SLC2A4: variants seen among roughly 807,000 people sequenced by gnomAD.
The protein encoded by SLC2A4 is solute carrier family 2, facilitated glucose transporter member 4.
In SLC2A4, 31 loss-of-function variants were observed where a neutral mutation model predicts 53.3. That is an observed-to-expected ratio of 0.58 (90% confidence interval 0.44 to 0.78). The LOEUF is 0.78. Ranked by LOEUF, SLC2A4 falls within the 30% of genes least tolerant of loss-of-function variation. The probability of loss-of-function intolerance (pLI) is 0.00; values close to 1 mark genes in which losing one functional copy is unlikely to be tolerated. For missense variants in SLC2A4, 538 were observed against 655.7 expected (o/e 0.82, Z 1.96); for synonymous variants, 276 against 281.9 (o/e 0.98, Z 0.21).
chr17:7,284,813 T>A lies in SLC2A4; in HGVS notation c.916-22T>A. 1 of 1,613,976 alleles carries A rather than the reference T, an allele frequency of 6.2e-7. No individual in the cohort carries two copies. The highest frequency in any genetic ancestry group is 8.5e-7 in the Non-Finnish European group (1 of 1,179,896). Reference sequence around the variant, plus strand: ...AGGAAGGGGCATTCCTGCCATCACTTCTTCTTCTCCCCCACCTCTAGGTTT... The same window carrying A: ...AGGAAGGGGCATTCCTGCCATCACTACTTCTTCTCCCCCACCTCTAGGTTT... On this transcript the variant is annotated intron_variant, in intron 7 of 10. Coordinates refer to ENST00000317370, the MANE Select transcript of SLC2A4 (RefSeq NM_001042.3). The surrounding 1 kb of genome is among the most constrained non-coding windows in gnomAD (Gnocchi z 7.5).
In SLC2A4 at chr17:7,284,563, G is replaced by A. The variant is rs148284992; in HGVS notation, c.806G>A (p.Arg269His). 80 of 1,614,092 alleles carry A rather than the reference G, an allele frequency of 5.0e-5. No homozygotes were observed. The highest frequency in any genetic ancestry group is 2.1e-4 in the South Asian group (19 of 91,094). ...AAGGATGAGAAGCGGAAGCTGGAGCGTGAGCGGCCACTGTCCCTGCTCCAG... is the reference window on the plus strand; with the variant it reads ...AAGGATGAGAAGCGGAAGCTGGAGCATGAGCGGCCACTGTCCCTGCTCCAG... ...ELKDEKRKLE[R>H]ERPLSLLQLL... The change falls in exon 7 of 11, where the codon CGT becomes CAT. Residue 269 changes from arginine (R) to histidine (H), a missense_variant. By Grantham distance (29) the Arg-to-His change is conservative. Coordinates refer to ENST00000317370, the MANE Select transcript of SLC2A4 (RefSeq NM_001042.3). This position sits in a 1 kb window ranked among gnomAD's most constrained non-coding sequence, Gnocchi z 7.5.
chr17:7,286,004 C>A, intron 10 of SLC2A4, 96 bp downstream of exon 10: 6 of 1,166,496 alleles, frequency 5.1e-6, no homozygotes, highest in Non-Finnish European at 7.4e-6. Flanking sequence ...CCTCCAGCCA[C>A]AGACCATGGG....
rs779806250 is a variant in SLC2A4 at position 7,281,903 on chromosome 17, C to A, written c.-32C>A. The stretch of plus-strand genomic sequence containing the variant: ...CCAGGATCGGTTCTTTCATCTTCGC[C>A]GCCCCTGCGCGTCCAGCTCTTCTAA... On this transcript the variant is annotated 5_prime_UTR_variant, in exon 1 of 11. Transcript: ENST00000317370. 6 of 1,594,240 alleles carry A rather than the reference C, an allele frequency of 3.8e-6. No homozygotes were observed. In the South Asian group the frequency reaches 6.8e-5, roughly 18 times the overall value.
At position 7,282,001 on chromosome 17, in the gene SLC2A4, G is replaced by GGGGGGCCC; in HGVS notation, c.33+34_33+35insGGGGGCCC. ...CATCATGAGGGGGCGGGGCGGGGGG[G>GGGGGGCCC]CACGGGTCCCGCTTTTCTTGGGCTG... On this transcript the variant is annotated intron_variant, in intron 1 of 10. Transcript: ENST00000317370. The surrounding 1 kb of genome is among the most constrained non-coding windows in gnomAD (Gnocchi z 4.1). 11 of 535,022 alleles carry GGGGGGCCC rather than the reference G, an allele frequency of 2.1e-5. No individual in the cohort carries two copies. The highest frequency in any genetic ancestry group is 4.1e-5 in the Non-Finnish European group (11 of 269,446). The allele number at this position is 535,022 out of a possible 1,614,324, so 33.1% of individuals were successfully genotyped here.
rs1374245771 is a variant in SLC2A4, at chr17:7,284,775, G to C, written c.916-60G>C. 1.2e-6 allele frequency: 2 copies of C among 1,608,062 alleles called. No homozygotes were observed. The highest frequency in any genetic ancestry group is 3.3e-5 in the Admixed American group (2 of 60,006). ...ACACCCAGGGTAGGGCCAGCCTGTT[G>C]TGGCTGGAGTAGAGGAAGGGGCATT... On this transcript the variant is annotated intron_variant, in intron 7 of 10. Transcript: ENST00000317370. This position sits in a 1 kb window ranked among gnomAD's most constrained non-coding sequence, Gnocchi z 7.5.
Position 7,285,298 on chromosome 17 carries a change from G to A in SLC2A4, c.1122+109G>A, listed in dbSNP as rs2072440235. 3 of 941,152 alleles carry A rather than the reference G, an allele frequency of 3.2e-6. No individual in the cohort carries two copies. The highest frequency in any genetic ancestry group is 2.8e-5 in the South Asian group (2 of 72,138). The allele number at this position is 941,152 out of a possible 1,614,324, so 58.3% of individuals were successfully genotyped here. A position where few individuals can be genotyped will look rare whatever the true frequency, so the allele number is the denominator to read the frequency against. On this transcript the variant is annotated intron_variant, in intron 9 of 10. Coordinates refer to ENST00000317370, the MANE Select transcript of SLC2A4 (RefSeq NM_001042.3). The surrounding 1 kb of genome is among the most constrained non-coding windows in gnomAD (Gnocchi z 6.0). ...CTTAACACACATGCTTTCAATCCTG[G>A]CGCCAGCTCCGGACCAGGACTGGGG...
Position 7,282,524 on chromosome 17 carries a change from T to A in SLC2A4, c.33+557T>A. On this transcript the variant is annotated intron_variant, in intron 1 of 10. Coordinates refer to ENST00000317370, the MANE Select transcript of SLC2A4 (RefSeq NM_001042.3). The surrounding 1 kb of genome is among the most constrained non-coding windows in gnomAD (Gnocchi z 4.1). Reference sequence around the variant, plus strand: ...TGTGCCGCCAGCGAGCGGCCACCACTGCCACCGCCCCTCACACTACCTTCC... The same window carrying A: ...TGTGCCGCCAGCGAGCGGCCACCACAGCCACCGCCCCTCACACTACCTTCC... The A allele has an allele frequency of 2.4e-6, 1 of 409,658 alleles. No homozygotes were observed. The allele number at this position is 409,658 out of a possible 1,614,324, so 25.4% of individuals were successfully genotyped here. A position where few individuals can be genotyped will look rare whatever the true frequency, so the allele number is the denominator to read the frequency against.
Position 7,287,155 on chromosome 17 carries a change from C to G in SLC2A4, c.*526C>G, listed in dbSNP as rs946697546. On this transcript the variant is annotated 3_prime_UTR_variant, in exon 11 of 11. Transcript: ENST00000317370. Reference sequence around the variant, plus strand: ...TTTTTTTTTTTTTTTGAGACAGTCTCGCTCTGTCGCCCAGGCTCGAGTGCA... The same window carrying G: ...TTTTTTTTTTTTTTTGAGACAGTCTGGCTCTGTCGCCCAGGCTCGAGTGCA... The G allele has an allele frequency of 6.8e-6, 1 of 146,974 alleles. No homozygotes were observed. Among genetic ancestry groups the G allele is most frequent in the Non-Finnish European group, 1.4e-5 (1 of 71,342 alleles). 9.1% of individuals were successfully genotyped at this position (146,974 alleles called of 1,614,324 possible). A position where few individuals can be genotyped will look rare whatever the true frequency, so the allele number is the denominator to read the frequency against.
chr17:7,282,274 G>A lies in SLC2A4; in HGVS notation c.33+307G>A. On this transcript the variant is annotated intron_variant, in intron 1 of 10. Transcript: ENST00000317370. This position sits in a 1 kb window ranked among gnomAD's most constrained non-coding sequence, Gnocchi z 4.1. Reference sequence around the variant, plus strand: ...ATCGGGGACACCCTGCCCTCGATCCGACTCGGGAAAGCAGATCCAGGCGGG... The same window carrying A: ...ATCGGGGACACCCTGCCCTCGATCCAACTCGGGAAAGCAGATCCAGGCGGG... 1 of 577,266 alleles carries A rather than the reference G, an allele frequency of 1.7e-6. No individual in the cohort carries two copies. The highest frequency in any genetic ancestry group is 1.5e-5 in the South Asian group (1 of 64,906). 35.8% of individuals were successfully genotyped at this position (577,266 alleles called of 1,614,324 possible).
chr17:7,285,697 G>C lies in SLC2A4; in HGVS notation c.1123-8G>C, dbSNP rs2072443588. 6.2e-7 allele frequency: 1 copy of C among 1,614,068 alleles called. No individual in the cohort carries two copies. The highest frequency in any genetic ancestry group is 8.5e-7 in the Non-Finnish European group (1 of 1,179,928). On this transcript the variant is annotated splice_region_variant and splice_polypyrimidine_tract_variant and intron_variant, in intron 9 of 10. Coordinates refer to ENST00000317370, the MANE Select transcript of SLC2A4 (RefSeq NM_001042.3). This position sits in a 1 kb window ranked among gnomAD's most constrained non-coding sequence, Gnocchi z 6.0. ...CTGGATTCTCCACCCTCCCTGTCTG[G>C]CCCCTAGGAGCGAGTTCCAGCCATG... is the stretch of plus-strand genomic sequence containing the variant.
In SLC2A4 at chr17:7,281,804, G is replaced by A. The variant is rs1287931333; in HGVS notation, c.-131G>A. The A allele has an allele frequency of 1.1e-6, 1 of 921,004 alleles. No homozygotes were observed. Among genetic ancestry groups the A allele is most frequent in the Non-Finnish European group, 1.7e-6 (1 of 574,624 alleles). 57.1% of individuals were successfully genotyped at this position (921,004 alleles called of 1,614,324 possible). A position where few individuals can be genotyped will look rare whatever the true frequency, so the allele number is the denominator to read the frequency against. ...GGCTTGTGGCTGTGGGTCCCATCGGGCCCGCCCTCGCACGTCACTCCGGGA... is the reference window on the plus strand; with the variant it reads ...GGCTTGTGGCTGTGGGTCCCATCGGACCCGCCCTCGCACGTCACTCCGGGA... On this transcript the variant is annotated 5_prime_UTR_variant, in exon 1 of 11. Coordinates refer to ENST00000317370, the MANE Select transcript of SLC2A4 (RefSeq NM_001042.3).
Position 7,286,751 on chromosome 17 carries a change from C to T in SLC2A4, c.*122C>T, listed in dbSNP as rs2072454050. 29 of 944,492 alleles carry T rather than the reference C, an allele frequency of 3.1e-5. No individual in the cohort carries two copies. In the South Asian group the frequency reaches 3.8e-4, roughly 12 times the overall value. 58.5% of individuals were successfully genotyped at this position (944,492 alleles called of 1,614,324 possible). ...TCCGGGTGGAAAAGAATCCCTGCAG[C>T]CTGGTAGAATTGGGAAGCTGGGGGA... On this transcript the variant is annotated 3_prime_UTR_variant, in exon 11 of 11. Transcript: ENST00000317370.
In SLC2A4 at chr17:7,283,772, G is replaced by A; in HGVS notation, c.358G>A (p.Val120Met). ...CATGCTGGTCAACAATGTCCTGGCGGTGCTGGGGGGCAGCCTCATGGGCCT... is the reference window on the plus strand; with the variant it reads ...CATGCTGGTCAACAATGTCCTGGCGATGCTGGGGGGCAGCCTCATGGGCCT... ...RAMLVNNVLA[V>M]LGGSLMGLAN... Residue 120 changes from valine (V) to methionine (M), a missense_variant, in exon 4 of 11, where the codon GTG (valine) becomes ATG (methionine). Physicochemically the swap from Val to Met is conservative, Grantham distance 21 (BLOSUM62 1). Coordinates refer to ENST00000317370, the MANE Select transcript of SLC2A4 (RefSeq NM_001042.3). This position sits in a 1 kb window ranked among gnomAD's most constrained non-coding sequence, Gnocchi z 5.8. 1 of 1,614,090 alleles carries A rather than the reference G, an allele frequency of 6.2e-7. No homozygotes were observed. Among genetic ancestry groups the A allele is most frequent in the Non-Finnish European group, 8.5e-7 (1 of 1,180,014 alleles).
chr17:7,282,103 C>G lies in SLC2A4; in HGVS notation c.33+136C>G. 2.6e-6 allele frequency: 2 copies of G among 765,418 alleles called. No homozygotes were observed. The highest frequency in any genetic ancestry group is 4.5e-6 in the Non-Finnish European group (2 of 443,442). The allele number at this position is 765,418 out of a possible 1,614,324, so 47.4% of individuals were successfully genotyped here. On this transcript the variant is annotated intron_variant, in intron 1 of 10. Coordinates refer to ENST00000317370, the MANE Select transcript of SLC2A4 (RefSeq NM_001042.3). This position sits in a 1 kb window ranked among gnomAD's most constrained non-coding sequence, Gnocchi z 4.1. ...GAAGGTAGGGGGCTGGCTATTTATA[C>G]CCGGCCTGGACAACCCGTGACTGTG...
rs1296175313 is a variant in SLC2A4 at position 7,285,704 on chromosome 17, G to A, written c.1123-1G>A. Reference sequence around the variant, plus strand: ...CTCCACCCTCCCTGTCTGGCCCCTAGGAGCGAGTTCCAGCCATGAGCTACG... The same window carrying A: ...CTCCACCCTCCCTGTCTGGCCCCTAAGAGCGAGTTCCAGCCATGAGCTACG... On this transcript the variant is annotated splice_acceptor_variant, in intron 9 of 10. Coordinates refer to ENST00000317370, the MANE Select transcript of SLC2A4 (RefSeq NM_001042.3). LOFTEE classifies it high-confidence loss of function. The surrounding 1 kb of genome is among the most constrained non-coding windows in gnomAD (Gnocchi z 6.0). The A allele has an allele frequency of 6.2e-7, 1 of 1,614,202 alleles. No homozygotes were observed. Among genetic ancestry groups the A allele is most frequent in the South Asian group, 1.1e-5 (1 of 91,082 alleles).
Position 7,287,807 on chromosome 17 carries a change from C to A in SLC2A4, c.*1178C>A, listed in dbSNP as rs901020842. Reference sequence around the variant, plus strand: ...TGTACTAAATGTATATATATAGATACTTCTATAAAGTCACTGCTGAAGACA... The same window carrying A: ...TGTACTAAATGTATATATATAGATAATTCTATAAAGTCACTGCTGAAGACA... On this transcript the variant is annotated 3_prime_UTR_variant, in exon 11 of 11. Coordinates refer to ENST00000317370, the MANE Select transcript of SLC2A4 (RefSeq NM_001042.3). The A allele has an allele frequency of 6.6e-6, 1 of 152,152 alleles. No individual in the cohort carries two copies. The highest frequency in any genetic ancestry group is 1.5e-5 in the Non-Finnish European group (1 of 68,034). The allele number at this position is 152,152 out of a possible 1,614,324, so 9.4% of individuals were successfully genotyped here.
rs770138000 is a variant in SLC2A4, at chr17:7,283,280, C to A, written c.69C>A (p.Thr23=). The A allele has an allele frequency of 3.0e-5, 48 of 1,614,026 alleles. No homozygotes were observed. Among genetic ancestry groups the A allele is most frequent in the Non-Finnish European group, 3.7e-5 (44 of 1,180,018 alleles). ...CCCCTCAGCAGCGAGTGACTGGGAC[C>A]CTGGTCCTTGCTGTGTTCTCTGCGG... ...GEPPQQRVTG[T]LVLAVFSAVL... The change falls in exon 2 of 11, where the codon ACC becomes ACA. Residue 23 remains threonine (T), a synonymous_variant. Transcript: ENST00000317370. The surrounding 1 kb of genome is among the most constrained non-coding windows in gnomAD (Gnocchi z 5.8).
Position 7,282,076 on chromosome 17 carries a change from G to A in SLC2A4, c.33+109G>A, listed in dbSNP as rs900858681. 2 of 902,042 alleles carry A rather than the reference G, an allele frequency of 2.2e-6. No homozygotes were observed. Among genetic ancestry groups the A allele is most frequent in the Non-Finnish European group, 3.6e-6 (2 of 558,610 alleles). 55.9% of individuals were successfully genotyped at this position (902,042 alleles called of 1,614,324 possible). ...GGTGGTTCCTGCGCAGGCGCAGGGGGTGAAGGTAGGGGGCTGGCTATTTAT... is the reference window on the plus strand; with the variant it reads ...GGTGGTTCCTGCGCAGGCGCAGGGGATGAAGGTAGGGGGCTGGCTATTTAT... On this transcript the variant is annotated intron_variant, in intron 1 of 10. Coordinates refer to ENST00000317370, the MANE Select transcript of SLC2A4 (RefSeq NM_001042.3). This position sits in a 1 kb window ranked among gnomAD's most constrained non-coding sequence, Gnocchi z 4.1.
In SLC2A4 at chr17:7,281,983, AG is replaced by A. The variant is rs760548799; in HGVS notation, c.33+21del. 6 of 213,438 alleles carry A rather than the reference AG, an allele frequency of 2.8e-5. No individual in the cohort carries two copies. Among genetic ancestry groups the A allele is most frequent in the Non-Finnish European group, 4.6e-5 (5 of 108,942 alleles). 13.2% of individuals were successfully genotyped at this position (213,438 alleles called of 1,614,324 possible). ...AGGCTCCGAAGTAGGATTCATCATG[AG>A]GGGGCGGGGCGGGGGGGCACGGGTC... is the stretch of plus-strand genomic sequence containing the variant. On this transcript the variant is annotated intron_variant, in intron 1 of 10. Transcript: ENST00000317370.
Sources: allele counts gnomAD v4.1 joint callset, GRCh38; gene constraint gnomAD v4.1.1; non-coding constraint Gnocchi (gnomAD v3.1); transcripts MANE v1.5; gene names NCBI Gene and HGNC (gene_info 2026-07-23, HGNC 2026-07-21).